Variants in PKD1L1 observed in about 807,000 individuals in gnomAD.
PKD1L1 encodes the protein polycystin-1-like protein 1.
Under a neutral mutation model 323.4 loss-of-function variants are expected in PKD1L1, and 236 were observed. That is an observed-to-expected ratio of 0.73 (90% confidence interval 0.66 to 0.81). The LOEUF is 0.81. PKD1L1 is among the 40% of genes least tolerant of loss of function. The pLI is 0.00. For synonymous variants in PKD1L1, 1,344 were observed against 1,335.0 expected (o/e 1.01, Z -0.15); for missense variants, 3,320 against 3,508.0 (o/e 0.95, Z 1.35).
intron 4 of PKD1L1, among the ~76,000 whole-genome samples, chr7:47,934,108 T>C (rs186225203): frequency 6.6e-6 from 1 of 152,354 alleles, no homozygotes; most frequent in East Asian, 1.9e-4. Context: ...ATAGGTTAGG[T>C]ATACTATTAT....
chr7:47,936,991 A>C, intron 3 of PKD1L1, 33 bp from the exon 4 acceptor site: 1 of 1,519,358 alleles, frequency 6.6e-7, no homozygotes, highest in Non-Finnish European at 9.1e-7. Context: ...AATGTGAGAG[A>C]GCTGCTTATG....
rs1368563125 is a variant in PKD1L1, at chr7:47,931,155, G to A, written c.686C>T (p.Ser229Phe). 6.2e-7 allele frequency: 1 copy of A among 1,614,074 alleles called. No homozygotes were observed. Among genetic ancestry groups the A allele is most frequent in the African/African-American group, 1.3e-5 (1 of 74,928 alleles). ...AATCGGCCACAGGGGCACTCGCTGGGAGCTGGTCTGAGTGGGTCTGGCCAC... is the reference window on the plus strand; with the variant it reads ...AATCGGCCACAGGGGCACTCGCTGGAAGCTGGTCTGAGTGGGTCTGGCCAC... ...TKVARPTQTS[S>F]QRVPLWPISH... Residue 229 changes from serine (S) to phenylalanine (F), a missense_variant, in exon 6 of 57, where the codon TCC becomes TTC. Transcript: ENST00000289672.
chr7:47,862,244 C>T (rs1786048538), intron 26 of PKD1L1, among the ~76,000 whole-genome samples: 2 of 152,084 alleles, frequency 1.3e-5, no homozygotes, highest in South Asian at 2.1e-4. Context: ...AGAAAGCCAT[C>T]AAGTACTCTG....
At chr7:47,943,164 ATATATATATATATATATATATAT>A (rs1276375750) in intron 2 of PKD1L1, among the ~76,000 whole-genome samples, 1 of 25,680 alleles carries the variant, frequency 3.9e-5, no homozygotes, top group Non-Finnish European at 7.4e-5. Flanking sequence ...AAAAAAAAAA[ATATATATATATATATATATATAT>A]ATATATATAT....
chr7:47,884,468 T>C, intron 19 of PKD1L1, 130 bp downstream of exon 19: 1 of 817,762 alleles, frequency 1.2e-6, no homozygotes, highest in Non-Finnish European at 2.1e-6. Flanking sequence ...ATGTAAGAGT[T>C]CAACTTTTCC....
chr7:47,842,246 C>T (rs948368927), intron 34 of PKD1L1, among the ~76,000 whole-genome samples: 3 of 152,240 alleles, frequency 2.0e-5, no homozygotes, highest in South Asian at 2.1e-4. Flanking sequence ...TGAGTAAGGA[C>T]CACATAAGCT....
chr7:47,781,124 C>A (rs1420801990), intron 56 of PKD1L1, among the ~76,000 whole-genome samples: 1 of 152,132 alleles, frequency 6.6e-6, no homozygotes, highest in Non-Finnish European at 1.5e-5. Flanking sequence ...TCATTATGGT[C>A]TTAATTTCCA....
chr7:47,866,717 G>A, intron 24 of PKD1L1, 103 bp from the exon 25 acceptor site: 1 of 904,934 alleles, frequency 1.1e-6, no homozygotes, highest in Non-Finnish European at 1.7e-6. Context: ...AATACCTCTT[G>A]GACAGGGCAG....
chr7:47,900,898 C>A (rs916855644), intron 13 of PKD1L1, among the ~76,000 whole-genome samples: 10 of 152,214 alleles, frequency 6.6e-5, no homozygotes, highest in Middle Eastern at 3.4e-3. Flanking sequence ...CACACTGCAA[C>A]CCAGGTTTGT....
At chr7:47,793,685 T>C (rs1041007268) in intron 55 of PKD1L1, among the ~76,000 whole-genome samples, 1 of 152,146 alleles carries the variant, frequency 6.6e-6, no homozygotes, top group Admixed American at 6.5e-5. Flanking sequence ...CCCAAAAATG[T>C]GAAAGTGACT....
chr7:47,899,222 C>T (rs1787023843), intron 13 of PKD1L1, among the ~76,000 whole-genome samples: 1 of 152,196 alleles, frequency 6.6e-6, no homozygotes, highest in South Asian at 2.1e-4. Context: ...GGGGCACTCT[C>T]CTTGGCCTGG....
chr7:47,958,297 CTGATA>C, the PKD1L1 span, among the ~76,000 whole-genome samples: 2 of 152,132 alleles, frequency 1.3e-5, no homozygotes, highest in Non-Finnish European at 2.9e-5. Flanking sequence ...TTACAGCCAA[CTGATA>C]TTCAACAAAG....
chr7:47,825,294 T>G (rs1374598103), intron 45 of PKD1L1, among the ~76,000 whole-genome samples: 1 of 151,120 alleles, frequency 6.6e-6, no homozygotes, highest in African/African-American at 2.4e-5. Flanking sequence ...CTTTGGGAGG[T>G]TGAGGTGGGT....
chr7:47,923,942 ACT>A (rs1321661524), intron 7 of PKD1L1, among the ~76,000 whole-genome samples: 3 of 152,038 alleles, frequency 2.0e-5, no homozygotes, highest in African/African-American at 2.4e-5. Flanking sequence ...AAAATCAACA[ACT>A]CTTTTTTTTT....
chr7:47,812,052 C>A lies in PKD1L1; in HGVS notation c.7347-1G>T. 1 of 1,556,862 alleles carries A rather than the reference C, an allele frequency of 6.4e-7. No homozygotes were observed. On this transcript the variant is annotated splice_acceptor_variant, in intron 49 of 56. Transcript: ENST00000289672. LOFTEE classifies it high-confidence loss of function. ...GGACAGGGCTGTGTGGGCTTCAGTC[C>A]TGTAAAACAGCACACACTGGGGTAG...
intron 13 of PKD1L1, among the ~76,000 whole-genome samples, chr7:47,899,865 A>T (rs1441210295): frequency 6.6e-6 from 1 of 150,720 alleles, no homozygotes; most frequent in Non-Finnish European, 1.5e-5. Context: ...CTGAGGCAGG[A>T]GAATGGTGTG....
At chr7:47,846,460 G>A (rs1298437601) in intron 32 of PKD1L1, among the ~76,000 whole-genome samples, 1 of 152,140 alleles carries the variant, frequency 6.6e-6, no homozygotes, top group East Asian at 1.9e-4. Flanking sequence ...AGGGCAACAT[G>A]GGGGCATGGT....
intron 30 of PKD1L1, 126 bp downstream of exon 30, chr7:47,854,756 C>A: frequency 1.6e-6 from 2 of 1,226,192 alleles, no homozygotes; most frequent in Admixed American, 2.4e-5. Flanking sequence ...ATAACAATTT[C>A]TTTAAACAAT....
chr7:47,938,532 A>G (rs976306170), intron 3 of PKD1L1, among the ~76,000 whole-genome samples: 3 of 152,178 alleles, frequency 2.0e-5, no homozygotes, highest in Non-Finnish European at 4.4e-5. Flanking sequence ...ACACTATCCT[A>G]TAACTATGCC....
Sources: allele counts gnomAD v4.1 joint callset (sites outside exome capture counted in the v4.1 genomes callset), GRCh38; gene constraint gnomAD v4.1.1; transcripts MANE v1.5; gene names NCBI Gene and HGNC (gene_info 2026-07-23, HGNC 2026-07-21).